The following ASTN2 variants were observed in gnomAD, a reference collection of about 807,000 sequenced individuals.
ASTN2 encodes astrotactin-2.
ASTN2 carries 54 observed loss-of-function variants against 139.8 expected under a neutral mutation model. The observed-to-expected ratio is 0.39, with a 90% CI of 0.31 to 0.48. The LOEUF is 0.48. Ranked by LOEUF, ASTN2 falls within the 20% of genes least tolerant of loss-of-function variation. The pLI, the probability that ASTN2 is intolerant of heterozygous loss-of-function variation, is 0.95. For synonymous variants in ASTN2, 756 were observed against 719.5 expected, an observed-to-expected ratio of 1.05 and a Z score of -0.81; for missense variants, 1,565 against 1,725.1, an observed-to-expected ratio of 0.91 and a Z score of 1.64.
intron 19 of ASTN2, among the ~76,000 whole-genome samples, chr9:116,493,909 T>C (rs1849595412): frequency 6.6e-6 from 1 of 152,112 alleles, no homozygotes; most frequent in Admixed American, 6.5e-5. Context: ...GAGTCGTCAC[T>C]CTGGGCCTGG....
At chr9:117,268,462 T>A (rs1467625803) in intron 2 of ASTN2, among the ~76,000 whole-genome samples, 1 of 152,180 alleles carries the variant, frequency 6.6e-6, no homozygotes, top group Non-Finnish European at 1.5e-5. Flanking sequence ...CCAGGAGGCT[T>A]TCCTTAATCA....
chr9:116,681,856 C>T (rs1208130806), intron 16 of ASTN2, among the ~76,000 whole-genome samples: 1 of 150,862 alleles, frequency 6.6e-6, no homozygotes, highest in Admixed American at 6.6e-5. Flanking sequence ...CTTCCTTACA[C>T]CTTATACAAA....
chr9:116,438,235 G>A (rs976422056), intron 22 of ASTN2, among the ~76,000 whole-genome samples: 2 of 152,054 alleles, frequency 1.3e-5, no homozygotes, highest in South Asian at 2.1e-4. Flanking sequence ...CCTCACTGCC[G>A]CTTTCTTACC....
chr9:116,524,427 A>G (rs1265191750), intron 19 of ASTN2, among the ~76,000 whole-genome samples: 1 of 152,198 alleles, frequency 6.6e-6, no homozygotes, highest in Admixed American at 6.6e-5. Flanking sequence ...CCTTCCGTGC[A>G]AAGGTGCCAG....
At chr9:117,220,039 T>A (rs1403404355) in intron 2 of ASTN2, among the ~76,000 whole-genome samples, 1 of 152,178 alleles carries the variant, frequency 6.6e-6, no homozygotes, top group Non-Finnish European at 1.5e-5. Flanking sequence ...AGGCTGATAG[T>A]TCACAGTGTG....
chr9:116,587,675 C>T (rs896261288), intron 19 of ASTN2, among the ~76,000 whole-genome samples: 3 of 152,164 alleles, frequency 2.0e-5, no homozygotes, highest in Non-Finnish European at 4.4e-5. Context: ...CCCAACTGCA[C>T]TTCTTACTAG....
At chr9:116,644,787 A>C (rs925035510) in intron 17 of ASTN2, among the ~76,000 whole-genome samples, 2 of 152,170 alleles carry the variant, frequency 1.3e-5, no homozygotes, top group Non-Finnish European at 2.9e-5. Context: ...TCTGAATGGG[A>C]AACAAATTTC....
intron 19 of ASTN2, among the ~76,000 whole-genome samples, chr9:116,528,783 A>C (rs990465888): frequency 6.6e-6 from 1 of 152,136 alleles, no homozygotes; most frequent in Non-Finnish European, 1.5e-5. Flanking sequence ...GTCATGGCTA[A>C]AAGGGGCCAA....
At chr9:117,303,271 T>C (rs1834920029) in intron 1 of ASTN2, among the ~76,000 whole-genome samples, 1 of 152,164 alleles carries the variant, frequency 6.6e-6, no homozygotes, top group South Asian at 2.1e-4. Context: ...AAATATTGAC[T>C]GATACAAGAT....
chr9:117,085,883 T>G (rs1032417153), intron 5 of ASTN2, among the ~76,000 whole-genome samples: 5 of 152,220 alleles, frequency 3.3e-5, no homozygotes, highest in Non-Finnish European at 5.9e-5. Context: ...TATAATGGCC[T>G]GACCAGATTT....
At chr9:117,355,823 T>G (rs1032568527) in intron 1 of ASTN2, among the ~76,000 whole-genome samples, 1 of 152,152 alleles carries the variant, frequency 6.6e-6, no homozygotes, top group Non-Finnish European at 1.5e-5. Context: ...CTGGGGGCCA[T>G]GCTGGGGGAC....
In ASTN2 at chr9:117,271,344, G is replaced by C. The variant is rs567086196; in HGVS notation, c.630+19982C>G. 3.3e-5 allele frequency among the ~76,000 whole-genome samples: 5 copies of C among 152,148 alleles called. No individual in the cohort carries two copies. The South Asian group carries it at 6.2e-4, about 19-fold the overall frequency. On this transcript the variant is annotated intron_variant, in intron 2 of 22. Coordinates refer to ENST00000313400, the MANE Select transcript of ASTN2 (RefSeq NM_001365068.1). ...TGGGAAAGACCAGCACCTATGATTCGATTACCTCCCCTTGGGTGCTCCCAC... is the reference window on the plus strand; with the variant it reads ...TGGGAAAGACCAGCACCTATGATTCCATTACCTCCCCTTGGGTGCTCCCAC...
At chr9:117,281,690 C>G (rs1834328798) in intron 2 of ASTN2, among the ~76,000 whole-genome samples, 1 of 152,136 alleles carries the variant, frequency 6.6e-6, no homozygotes, top group Admixed American at 6.5e-5. Context: ...GACACACGCC[C>G]TGACTCTCTT....
intron 7 of ASTN2, among the ~76,000 whole-genome samples, chr9:116,999,233 G>A (rs755459027): frequency 1.9e-4 from 29 of 152,116 alleles, no homozygotes; most frequent in East Asian, 3.9e-4. Flanking sequence ...GATTTTGAGC[G>A]GAGAATATCC....
chr9:116,866,726 C>T (rs560286025), intron 10 of ASTN2, among the ~76,000 whole-genome samples: 2 of 151,884 alleles, frequency 1.3e-5, no homozygotes, highest in Admixed American at 6.6e-5. Flanking sequence ...GGTGAAACCT[C>T]GTCTCTACTA....
chr9:116,885,680 A>C (rs1490382480), intron 10 of ASTN2, among the ~76,000 whole-genome samples: 2 of 152,128 alleles, frequency 1.3e-5, no homozygotes, highest in Non-Finnish European at 2.9e-5. Flanking sequence ...AAAACAAAAC[A>C]AAACAAACAA....
At chr9:117,374,132 G>C (rs1480345193) in intron 1 of ASTN2, among the ~76,000 whole-genome samples, 1 of 152,084 alleles carries the variant, frequency 6.6e-6, no homozygotes, top group Non-Finnish European at 1.5e-5. Flanking sequence ...TCGTCCACTT[G>C]TAAGCCAGCC....
intron 1 of ASTN2, among the ~76,000 whole-genome samples, chr9:117,364,005 G>C (rs939376093): frequency 6.6e-6 from 1 of 152,162 alleles, no homozygotes; most frequent in African/African-American, 2.4e-5. Flanking sequence ...TAGCATGATA[G>C]TTTGGAATGG....
At position 116,424,402 on chromosome 9, in the gene ASTN2, T is replaced by C. The variant is rs1847252117; in HGVS notation, c.*1449A>G. On this transcript the variant is annotated 3_prime_UTR_variant, in exon 23 of 23. Coordinates refer to ENST00000313400, the MANE Select transcript of ASTN2 (RefSeq NM_001365068.1). ...GACTATTTAGTCATATAAATAGTCA[T>C]GGATGCTTCAAGGCAGCATCAAGCT... 6.6e-6 allele frequency among the ~76,000 whole-genome samples: 1 copy of C among 152,110 alleles called. No homozygotes were observed. The highest frequency in any genetic ancestry group is 1.5e-5 in the Non-Finnish European group (1 of 68,020).
Sources: gnomAD v4.1 joint callset for allele counts (sites outside exome capture counted in the v4.1 genomes callset) on GRCh38, gnomAD v4.1.1 for gene constraint, MANE v1.5 for transcripts, NCBI Gene and HGNC (gene_info 2026-07-23, HGNC 2026-07-21) for gene names.